CREB3L2: variants seen among roughly 807,000 people sequenced by gnomAD.
CREB3L2 encodes the protein cyclic AMP-responsive element-binding protein 3-like protein 2.
In CREB3L2, 23 loss-of-function variants were observed where a neutral mutation model predicts 57.2. That is an observed-to-expected ratio of 0.40 (90% CI 0.29 to 0.57). The LOEUF (loss-of-function observed/expected upper bound fraction) is 0.57. CREB3L2 is among the 20% of genes least tolerant of loss of function. The pLI, the probability that CREB3L2 is intolerant of heterozygous loss-of-function variation, is 0.42. For missense variants in CREB3L2, 628 were observed against 634.7 expected (o/e 0.99, Z 0.11); for synonymous variants, 268 against 265.1 (o/e 1.01, Z -0.11).
At chr7:137,940,623 C>T (rs1469982090) in intron 1 of CREB3L2, among the ~76,000 whole-genome samples, 3 of 152,170 alleles carry the variant, frequency 2.0e-5, no homozygotes, top group Non-Finnish European at 4.4e-5. Context: ...GTTCCACAGA[C>T]GACCCCCACA....
intron 7 of CREB3L2, 30 bp from the exon 8 acceptor site, chr7:137,901,452 T>A (rs777911928): frequency 2.7e-6 from 4 of 1,461,174 alleles, no homozygotes; most frequent in Non-Finnish European, 3.8e-6. Flanking sequence ...AAGAAAATTA[T>A]TATCCATAGA....
At chr7:137,906,966 A>G (rs56364819) in intron 5 of CREB3L2, among the ~76,000 whole-genome samples, 15,363 of 152,212 alleles carry the variant, frequency 0.1, 2,038 homozygotes, top group African/African-American at 0.31. Flanking sequence ...TATCAGCAGC[A>G]TGAAAATGGA....
At chr7:137,964,158 A>C (rs1402254260) in intron 1 of CREB3L2, among the ~76,000 whole-genome samples, 2 of 152,172 alleles carry the variant, frequency 1.3e-5, no homozygotes, top group African/African-American at 4.8e-5. Context: ...TCTACTAAAA[A>C]TACAAAAATT....
In CREB3L2 at chr7:137,879,517, G is replaced by C. The variant is rs1029409320; in HGVS notation, c.*959C>G. The C allele has an allele frequency of 1.0e-5, 3 of 290,374 alleles. No homozygotes were observed. Among genetic ancestry groups the C allele is most frequent in the Non-Finnish European group, 2.0e-5 (3 of 151,412 alleles). The allele number at this position is 290,374 out of a possible 1,614,324, so 18.0% of individuals were successfully genotyped here. A position where few individuals can be genotyped will look rare whatever the true frequency, so the allele number is the denominator to read the frequency against. On this transcript the variant is annotated 3_prime_UTR_variant, in exon 12 of 12. Coordinates refer to ENST00000330387, the MANE Select transcript of CREB3L2 (RefSeq NM_194071.4). ...TCTCTCGCTCTGAGCTCATCCTAGA[G>C]GCAGACACATACATGCTCAAAGGAA...
intron 1 of CREB3L2, among the ~76,000 whole-genome samples, chr7:137,975,629 G>A (rs904809939): frequency 5.3e-5 from 8 of 152,048 alleles, no homozygotes; most frequent in African/African-American, 1.5e-4. Context: ...AGTAGCACAC[G>A]GCATACTTCT....
intron 4 of CREB3L2, among the ~76,000 whole-genome samples, chr7:137,909,630 C>T (rs1563248334): frequency 1.3e-5 from 2 of 152,116 alleles, no homozygotes; most frequent in East Asian, 1.9e-4. Context: ...CTGAAGGCCA[C>T]GGGAAGCCTC....
At chr7:137,957,744 C>T (rs754881110) in intron 1 of CREB3L2, 40 of 1,287,466 alleles carry the variant, frequency 3.1e-5, no homozygotes, top group Non-Finnish European at 4.1e-5. Context: ...TCAAAGAACG[C>T]ACCTGTAAGA....
intron 5 of CREB3L2, among the ~76,000 whole-genome samples, chr7:137,907,270 T>C (rs273965): frequency 0.72 from 108,984 of 152,128 alleles, 40,565 homozygotes; most frequent in African/African-American, 0.92. Context: ...AACAGGGAAA[T>C]ACAACATAGT....
chr7:137,894,202 T>G (rs943102615), intron 8 of CREB3L2, among the ~76,000 whole-genome samples: 9 of 152,172 alleles, frequency 5.9e-5, no homozygotes, highest in African/African-American at 9.7e-5. Context: ...TACTGATTGC[T>G]TGCTATAAAA....
In CREB3L2 at chr7:137,879,306, G is replaced by A. The variant is rs1799232901; in HGVS notation, c.*1170C>T. ...GTCACCTACCCCACCCTGCTTTGTTGAGGTAGGGGACGAGGAGGACAAAGT... is the reference window on the plus strand; with the variant it reads ...GTCACCTACCCCACCCTGCTTTGTTAAGGTAGGGGACGAGGAGGACAAAGT... On this transcript the variant is annotated 3_prime_UTR_variant, in exon 12 of 12. Transcript: ENST00000330387. 5.7e-6 allele frequency: 3 copies of A among 525,590 alleles called. No homozygotes were observed. Among genetic ancestry groups the A allele is most frequent in the South Asian group, 1.6e-5 (1 of 61,652 alleles). 32.6% of individuals were successfully genotyped at this position (525,590 alleles called of 1,614,324 possible).
chr7:137,882,649 T>G (rs1431602297), intron 10 of CREB3L2, 21 bp from the exon 11 acceptor site: 1 of 1,539,146 alleles, frequency 6.5e-7, no homozygotes, highest in South Asian at 1.2e-5. Context: ...AGCAGAATAA[T>G]AAGGTGTTAG....
intron 1 of CREB3L2, among the ~76,000 whole-genome samples, chr7:137,998,041 T>C (rs1443833889): frequency 6.6e-6 from 1 of 152,188 alleles, no homozygotes; most frequent in East Asian, 1.9e-4. Context: ...TGGAAACAAT[T>C]TTTTAAGCTT....
At chr7:137,940,634 G>A (rs1214762030) in intron 1 of CREB3L2, among the ~76,000 whole-genome samples, 10 of 152,244 alleles carry the variant, frequency 6.6e-5, no homozygotes, top group African/African-American at 2.4e-4. Flanking sequence ...GACCCCCACA[G>A]AATTCTCTGA....
At chr7:137,982,278 G>T (rs1441478358) in intron 1 of CREB3L2, among the ~76,000 whole-genome samples, 1 of 152,080 alleles carries the variant, frequency 6.6e-6, no homozygotes, top group Non-Finnish European at 1.5e-5. Context: ...CAGTCTGTAG[G>T]TTTTCAACTC....
chr7:137,914,475 T>G (rs1358676686), intron 3 of CREB3L2, among the ~76,000 whole-genome samples: 3 of 151,976 alleles, frequency 2.0e-5, no homozygotes, highest in Non-Finnish European at 4.4e-5. Context: ...CTACTAAAAA[T>G]ACAAAAATTA....
intron 11 of CREB3L2, among the ~76,000 whole-genome samples, chr7:137,881,275 G>A (rs1367409213): frequency 1.3e-5 from 2 of 152,182 alleles, no homozygotes; most frequent in East Asian, 1.9e-4. Context: ...GTATGATACT[G>A]TTTCAGTAGC....
chr7:137,928,072 A>G (rs1470693655), intron 2 of CREB3L2, 78 bp downstream of exon 2: 1 of 1,110,878 alleles, frequency 9.0e-7, no homozygotes. Flanking sequence ...CCTCTTTAAT[A>G]TAATACACAC....
intron 1 of CREB3L2, among the ~76,000 whole-genome samples, chr7:137,990,167 C>T (rs532299017): frequency 9.9e-5 from 15 of 152,206 alleles, no homozygotes; most frequent in Non-Finnish European, 2.1e-4. Context: ...CAAGACTCCC[C>T]ATAGAGCACC....
intron 7 of CREB3L2, among the ~76,000 whole-genome samples, chr7:137,901,815 G>A (rs1300708017): frequency 7.2e-6 from 1 of 138,044 alleles, no homozygotes; most frequent in Non-Finnish European, 1.5e-5. Context: ...GGAGTCAGAT[G>A]TTGCAGTGAG....
Sources: allele counts gnomAD v4.1 joint callset (sites outside exome capture counted in the v4.1 genomes callset), GRCh38; gene constraint gnomAD v4.1.1; transcripts MANE v1.5; gene names NCBI Gene and HGNC (gene_info 2026-07-23, HGNC 2026-07-21).